RPRD2: variants seen among roughly 807,000 people sequenced by gnomAD.
RPRD2 encodes regulation of nuclear pre-mRNA domain-containing protein 2.
In RPRD2, 12 loss-of-function variants were observed where a neutral mutation model predicts 104.4. The ratio of observed to expected loss-of-function variants is 0.11; its 90% CI spans 0.07 to 0.19. RPRD2 has a LOEUF of 0.19. Ranked by LOEUF, RPRD2 falls within the 10% of genes least tolerant of loss-of-function variation. The probability of loss-of-function intolerance (pLI) is 1.00; values close to 1 mark genes in which losing one functional copy is unlikely to be tolerated. For missense variants in RPRD2, 1,543 were observed against 1,790.1 expected (o/e 0.86, Z 2.49); for synonymous variants, 714 against 684.9 (o/e 1.04, Z -0.66).
intron 1 of RPRD2, among the ~76,000 whole-genome samples, chr1:150,369,269 T>C (rs905584724): frequency 5.3e-5 from 8 of 151,826 alleles, no homozygotes; most frequent in African/African-American, 1.7e-4. Flanking sequence ...TACTTCGTTC[T>C]TCTTTCTCTC....
At position 150,472,154 on chromosome 1, in the gene RPRD2, C is replaced by T. The variant is rs1279034862; in HGVS notation, c.3206C>T (p.Ser1069Phe). 5.0e-6 allele frequency: 8 copies of T among 1,613,794 alleles called. No homozygotes were observed. Among genetic ancestry groups the T allele is most frequent in the Non-Finnish European group, 6.8e-6 (8 of 1,179,894 alleles). Reference protein sequence around the residue: ...EHYRIETRVSSSCLDLPDSTE... With the variant: ...EHYRIETRVSFSCLDLPDSTE... ...TACCGCATAGAAACCCGCGTCTCCT[C>T]CTCCTGCTTAGACTTGCCTGATAGC... Residue 1069 changes from serine to phenylalanine, a missense_variant, in exon 11 of 11, where the codon TCC (serine) becomes TTC (phenylalanine). By Grantham distance (155) the Ser-to-Phe change is radical (BLOSUM62 -2). Transcript: ENST00000369068.
intron 1 of RPRD2, among the ~76,000 whole-genome samples, chr1:150,386,570 C>CT (rs1453750553): frequency 6.6e-6 from 1 of 152,176 alleles, no homozygotes; most frequent in African/African-American, 2.4e-5. Context: ...AGCAGTCCAA[C>CT]TTTTTTTGAT....
At chr1:150,442,781 T>C (rs1424845116) in intron 4 of RPRD2, among the ~76,000 whole-genome samples, 1 of 152,198 alleles carries the variant, frequency 6.6e-6, no homozygotes, top group African/African-American at 2.4e-5. Context: ...TGCTATGAAT[T>C]GAGTCAGCAG....
intron 1 of RPRD2, among the ~76,000 whole-genome samples, chr1:150,394,966 T>G (rs921693266): frequency 2.6e-5 from 4 of 152,240 alleles, no homozygotes; most frequent in African/African-American, 9.6e-5. Flanking sequence ...AACATCTTTA[T>G]GACCATAGTA....
At chr1:150,369,264 CG>C (rs1309518475) in intron 1 of RPRD2, among the ~76,000 whole-genome samples, 1 of 151,858 alleles carries the variant, frequency 6.6e-6, no homozygotes, top group Non-Finnish European at 1.5e-5. Flanking sequence ...TTCTGTACTT[CG>C]TTCTTCTTTC....
At chr1:150,407,392 C>A (rs944349564) in intron 1 of RPRD2, among the ~76,000 whole-genome samples, 3 of 152,124 alleles carry the variant, frequency 2.0e-5, no homozygotes, top group Non-Finnish European at 4.4e-5. Context: ...GTTTTCAGTT[C>A]TTAAAAAAGA....
chr1:150,444,433 T>C (rs1553895199), intron 6 of RPRD2, 56 bp downstream of exon 6: 1 of 1,572,102 alleles, frequency 6.4e-7, no homozygotes, highest in Non-Finnish European at 8.7e-7. Context: ...TGTGTCATTT[T>C]TCCAGTAATC....
In RPRD2 at chr1:150,373,533, C is replaced by CTTTTTTTTTTTTTTT. The variant is rs56743462; in HGVS notation, c.205+8621_205+8635dup. Among the ~76,000 whole-genome samples, 9 of 97,418 alleles carry CTTTTTTTTTTTTTTT rather than the reference C, an allele frequency of 9.2e-5. 2 individuals carry two copies. Among genetic ancestry groups the CTTTTTTTTTTTTTTT allele is most frequent in the African/African-American group, 1.5e-4 (4 of 26,102 alleles). 63.9% of individuals were successfully genotyped at this position (97,418 alleles called of 152,430 possible). On this transcript the variant is annotated intron_variant, in intron 1 of 10. Transcript: ENST00000369068. Reference sequence around the variant, plus strand: ...AGAGGAGGAGAATAATCAAGAATGACTTTTTTTTTTTTTTTTTTTTTAGCT... The same window carrying CTTTTTTTTTTTTTTT: ...AGAGGAGGAGAATAATCAAGAATGACTTTTTTTTTTTTTTTTTTTTTTTTTTTTTTTTTTTTAGCT...
At chr1:150,388,514 C>CAT (rs1163208355) in intron 1 of RPRD2, among the ~76,000 whole-genome samples, 5 of 148,070 alleles carry the variant, frequency 3.4e-5, no homozygotes, top group African/African-American at 1.0e-4. Context: ...CACACACACA[C>CAT]ACACACACAT....
At chr1:150,433,109 G>A (rs1286481414) in intron 2 of RPRD2, among the ~76,000 whole-genome samples, 2 of 152,018 alleles carry the variant, frequency 1.3e-5, no homozygotes, top group Admixed American at 6.6e-5. Flanking sequence ...CATATCTCAT[G>A]TACCCCCAAA....
rs180949170 is a variant in RPRD2 at position 150,410,925 on chromosome 1, C to A, written c.206-6671C>A. On this transcript the variant is annotated intron_variant, in intron 1 of 10. Coordinates refer to ENST00000369068, the MANE Select transcript of RPRD2 (RefSeq NM_015203.5). Reference sequence around the variant, plus strand: ...TCACACAGACTAGAGTACAGTGGGGCGATTGTGGCTCATTGCACCCTCAGC... The same window carrying A: ...TCACACAGACTAGAGTACAGTGGGGAGATTGTGGCTCATTGCACCCTCAGC... Among the ~76,000 whole-genome samples, 817 of 152,244 alleles carry A rather than the reference C, an allele frequency of 5.4e-3. 3 individuals are homozygous for A. Among genetic ancestry groups the A allele is most frequent in the Non-Finnish European group, 9.3e-3 (634 of 68,020 alleles).
chr1:150,426,906 G>A (rs1665168463), intron 2 of RPRD2, among the ~76,000 whole-genome samples: 2 of 152,148 alleles, frequency 1.3e-5, no homozygotes, highest in Non-Finnish European at 1.5e-5. Flanking sequence ...CAGCACTTTG[G>A]GAGGCCAAGG....
intron 3 of RPRD2, 183 bp downstream of exon 3, chr1:150,441,206 G>T: frequency 2.1e-6 from 1 of 475,656 alleles, no homozygotes; most frequent in South Asian, 3.6e-5. Flanking sequence ...AAGTAGAATT[G>T]GTTTTAGGGA....
intron 2 of RPRD2, among the ~76,000 whole-genome samples, 162 bp downstream of exon 2, chr1:150,417,887 C>CTTTCTTTTCT (rs782314181): frequency 6.6e-6 from 1 of 151,792 alleles, no homozygotes; most frequent in Non-Finnish European, 1.5e-5. Flanking sequence ...GTTTTTCTTT[C>CTTTCTTTTCT]TTTCTTTTCT....
In RPRD2 at chr1:150,472,811, C is replaced by T; in HGVS notation, c.3863C>T (p.Pro1288Leu). 6.2e-7 allele frequency: 1 copy of T among 1,610,720 alleles called. No individual in the cohort carries two copies. Among genetic ancestry groups the T allele is most frequent in the Non-Finnish European group, 8.5e-7 (1 of 1,177,458 alleles). ...AGCAGCAGTGGTGGGAGTGGTGTCC[C>T]CTTTTCTACTCCACCCCCTCCTCCA... is the stretch of plus-strand genomic sequence containing the variant. Reference protein sequence around the residue: ...EHSSSGGSGVPFSTPPPPPPP... With the variant: ...EHSSSGGSGVLFSTPPPPPPP... The change falls in exon 11 of 11, where the codon CCC becomes CTC. Residue 1288 changes from proline (P) to leucine (L), a missense_variant. Physicochemically the swap from Pro to Leu is moderately conservative, Grantham distance 98. Transcript: ENST00000369068.
At chr1:150,391,920 TAAAA>T (rs1229725898) in intron 1 of RPRD2, among the ~76,000 whole-genome samples, 4 of 143,282 alleles carry the variant, frequency 2.8e-5, no homozygotes, top group African/African-American at 7.8e-5. Context: ...AAAATAAAAA[TAAAA>T]AAAAGGACAA....
chr1:150,390,890 A>G (rs977167025), intron 1 of RPRD2, among the ~76,000 whole-genome samples: 1 of 152,192 alleles, frequency 6.6e-6, no homozygotes, highest in Non-Finnish European at 1.5e-5. Flanking sequence ...ATGTGAATAT[A>G]TATAGGGACC....
rs1364685386 is a variant in RPRD2 at position 150,476,072 on chromosome 1, T to C, written c.*2738T>C. ...GGTCCTTAAGTATTTTGAAAGAGTT[T>C]ACTCTTCAGTCAGCTTAGATGAGAG... is the stretch of plus-strand genomic sequence containing the variant. On this transcript the variant is annotated 3_prime_UTR_variant, in exon 11 of 11. Transcript: ENST00000369068. 1 of 152,186 alleles carries C rather than the reference T, an allele frequency of 6.6e-6. No individual in the cohort carries two copies. Among genetic ancestry groups the C allele is most frequent in the East Asian group, 1.9e-4 (1 of 5,200 alleles). The allele number at this position is 152,186 out of a possible 1,614,324, so 9.4% of individuals were successfully genotyped here. A position where few individuals can be genotyped will look rare whatever the true frequency, so the allele number is the denominator to read the frequency against.
chr1:150,437,050 AAAAG>A lies in RPRD2; in HGVS notation c.336-3863_336-3860del, dbSNP rs139303838. The stretch of plus-strand genomic sequence containing the variant: ...GCGAGACGTAGTCTCTATTATTAAA[AAAAG>A]AAAGAAAGACATTTTGTAAGGCTAT... On this transcript the variant is annotated intron_variant, in intron 2 of 10. Coordinates refer to ENST00000369068, the MANE Select transcript of RPRD2 (RefSeq NM_015203.5). Among the ~76,000 whole-genome samples the A allele has an allele frequency of 9.8e-3, 1,488 of 151,302 alleles. 18 individuals carry two copies. The highest frequency in any genetic ancestry group is 0.034 in the African/African-American group (1,393 of 41,496).
Sources: gnomAD v4.1 joint callset for allele counts (sites outside exome capture counted in the v4.1 genomes callset) on GRCh38, gnomAD v4.1.1 for gene constraint, MANE v1.5 for transcripts, NCBI Gene and HGNC (gene_info 2026-07-23, HGNC 2026-07-21) for gene names.